LARP4: variants seen among roughly 807,000 people sequenced by gnomAD.
LARP4 encodes La ribonucleoprotein 4.
Under a neutral mutation model 92.9 loss-of-function variants are expected in LARP4, and 29 were observed. The ratio of observed to expected loss-of-function variants is 0.31; its 90% CI spans 0.23 to 0.43. LARP4 has a LOEUF of 0.43. LARP4 is among the 20% of genes least tolerant of loss of function. The pLI is 1.00. For synonymous variants in LARP4, 279 were observed against 284.1 expected (o/e 0.98, Z 0.18); for missense variants, 732 against 860.0 (o/e 0.85, Z 1.86).
intron 1 of LARP4, 83 bp downstream of exon 1, chr12:50,401,111 T>A: frequency 2.6e-6 from 4 of 1,518,092 alleles, no homozygotes; most frequent in Non-Finnish European, 3.7e-6. Context: ...CCATGTGACT[T>A]TCCGGGCCGT....
chr12:50,477,052 G>A lies in LARP4; in HGVS notation c.*1188G>A, dbSNP rs1478696227. 2 of 152,348 alleles carry A rather than the reference G, an allele frequency of 1.3e-5. No homozygotes were observed. The highest frequency in any genetic ancestry group is 2.1e-4 in the South Asian group (1 of 4,820). 9.4% of individuals were successfully genotyped at this position (152,348 alleles called of 1,614,324 possible). ...TTTAAAGGCTTAATTTGGGAGGGGG[G>A]ACTTATTTCTGTTTACAGTGTATTA... On this transcript the variant is annotated 3_prime_UTR_variant, in exon 16 of 16. Transcript: ENST00000398473.
chr12:50,460,432 G>A (rs191709674), intron 10 of LARP4, among the ~76,000 whole-genome samples: 72 of 152,228 alleles, frequency 4.7e-4, no homozygotes, highest in Non-Finnish European at 7.6e-4. Flanking sequence ...GGCCCAAGCA[G>A]TCTTCTGCCT....
chr12:50,459,839 AAAAAAAAG>A (rs1318573461), intron 10 of LARP4, among the ~76,000 whole-genome samples: 1 of 150,944 alleles, frequency 6.6e-6, no homozygotes, highest in Non-Finnish European at 1.5e-5. Flanking sequence ...AAAAAAAAAA[AAAAAAAAG>A]GGTGTTATAG....
rs564123441 is a variant in LARP4, at chr12:50,429,480, T to G, written c.322+390T>G. Among the ~76,000 whole-genome samples the G allele has an allele frequency of 2.0e-4, 30 of 152,012 alleles. 1 individual carries two copies. In the South Asian group the frequency reaches 6.0e-3, roughly 31 times the overall value. On this transcript the variant is annotated intron_variant, in intron 3 of 15. Coordinates refer to ENST00000398473, the MANE Select transcript of LARP4 (RefSeq NM_052879.5). ...AAAAAATTAGCTGGGCATGGTGGCA[T>G]GCACCTATAATCCCAAGATCATGCC...
At chr12:50,457,562 C>A (rs1386865518) in intron 10 of LARP4, among the ~76,000 whole-genome samples, 1 of 151,984 alleles carries the variant, frequency 6.6e-6, no homozygotes, top group Non-Finnish European at 1.5e-5. Flanking sequence ...GCCTATATTC[C>A]CCACACATTG....
chr12:50,473,354 C>A, intron 13 of LARP4, 61 bp from the exon 14 acceptor site: 2 of 1,245,250 alleles, frequency 1.6e-6, no homozygotes, highest in Non-Finnish European at 2.3e-6. Flanking sequence ...GCTTATTAGA[C>A]GTGTATATCT....
intron 13 of LARP4, among the ~76,000 whole-genome samples, chr12:50,472,622 C>T (rs564931435): frequency 2.0e-5 from 3 of 151,890 alleles, no homozygotes; most frequent in East Asian, 1.9e-4. Context: ...CCCAGACTCA[C>T]GTGATCCTCT....
Position 50,435,506 on chromosome 12 carries a change from T to C in LARP4, c.417T>C (p.Asp139=). The change falls in exon 5 of 16, where the codon GAT becomes GAC. Residue 139 remains aspartate (D), a synonymous_variant. Transcript: ENST00000398473. ...FCFSRENLSK[D]LYLISQMDSD... is the part of the protein sequence containing the mutation. ...TTTTCAGAGAAAATTTGTCAAAGGA[T>C]CTTTACTTGATATCTCAAATGGATA... 6.4e-7 allele frequency: 1 copy of C among 1,550,588 alleles called. No homozygotes were observed. Among genetic ancestry groups the C allele is most frequent in the Non-Finnish European group, 8.9e-7 (1 of 1,128,406 alleles).
intron 1 of LARP4, among the ~76,000 whole-genome samples, chr12:50,408,157 T>C (rs1189141138): frequency 1.3e-5 from 2 of 150,722 alleles, no homozygotes; most frequent in Admixed American, 6.7e-5. Flanking sequence ...TGGGTTTGTA[T>C]GTACTGAGAG....
intron 5 of LARP4, 92 bp from the exon 6 acceptor site, chr12:50,437,643 C>G (rs781541809): frequency 5.1e-5 from 35 of 680,594 alleles, no homozygotes; most frequent in Non-Finnish European, 7.6e-5. Context: ...CAAATTTACT[C>G]AGTTGGAAAT....
At chr12:50,446,551 C>T (rs561453529) in intron 8 of LARP4, among the ~76,000 whole-genome samples, 1 of 148,938 alleles carries the variant, frequency 6.7e-6, no homozygotes, top group African/African-American at 2.5e-5. Context: ...GCCTCAGCCT[C>T]CCGAGTAGCT....
intron 13 of LARP4, among the ~76,000 whole-genome samples, chr12:50,471,404 T>G (rs899764729): frequency 2.0e-4 from 31 of 152,366 alleles, no homozygotes; most frequent in Non-Finnish European, 3.4e-4. Flanking sequence ...TATTCTATTG[T>G]AGGAAGTAAA....
intron 4 of LARP4, among the ~76,000 whole-genome samples, chr12:50,430,920 G>C (rs1489148921): frequency 1.3e-5 from 2 of 152,058 alleles, no homozygotes; most frequent in African/African-American, 4.8e-5. Context: ...CCTCTGCCTT[G>C]CAAAGTGTCG....
chr12:50,454,423 A>G lies in LARP4; in HGVS notation c.1121+6A>G. 1 of 1,586,114 alleles carries G rather than the reference A, an allele frequency of 6.3e-7. No individual in the cohort carries two copies. Among genetic ancestry groups the G allele is most frequent in the East Asian group, 2.2e-5 (1 of 44,678 alleles). On this transcript the variant is annotated splice_donor_region_variant and intron_variant, in intron 10 of 15. Transcript: ENST00000398473. Reference sequence around the variant, plus strand: ...CGACCATTCCAAAAAAATCGGTAAGATAAAAACCATAGCTGTAATGTATTT... The same window carrying G: ...CGACCATTCCAAAAAAATCGGTAAGGTAAAAACCATAGCTGTAATGTATTT...
At chr12:50,463,418 TCCAAAAAAAAAAAAA>T (rs1282012546) in intron 12 of LARP4, among the ~76,000 whole-genome samples, 4 of 32,220 alleles carry the variant, frequency 1.2e-4, no homozygotes, top group African/African-American at 1.7e-4. Context: ...ACCCCATCTC[TCCAAAAAAAAAAAAA>T]AAAAAAAAAA....
chr12:50,470,302 G>A (rs1177304286), intron 13 of LARP4, among the ~76,000 whole-genome samples: 1 of 151,958 alleles, frequency 6.6e-6, no homozygotes, highest in Non-Finnish European at 1.5e-5. Context: ...CTTAAGGTCT[G>A]CTTCTATCCA....
In LARP4 at chr12:50,402,257, G is replaced by A. The variant is rs567345776; in HGVS notation, c.18+1229G>A. Among the ~76,000 whole-genome samples the A allele has an allele frequency of 2.6e-5, 4 of 152,008 alleles. No individual in the cohort carries two copies. The South Asian group carries it at 8.3e-4, about 31-fold the overall frequency. The stretch of plus-strand genomic sequence containing the variant: ...CGATAAGCTTGATATCTTTAAATTA[G>A]TTTTTTAAAAGACTGCTACATTAGA... On this transcript the variant is annotated intron_variant, in intron 1 of 15. Coordinates refer to ENST00000398473, the MANE Select transcript of LARP4 (RefSeq NM_052879.5).
chr12:50,426,725 GTGTGT>G (rs1694067114), intron 1 of LARP4, among the ~76,000 whole-genome samples: 1 of 115,438 alleles, frequency 8.7e-6, no homozygotes, highest in African/African-American at 4.8e-5. Context: ...GTGTGTGTGT[GTGTGT>G]GGTTTTTTTT....
chr12:50,460,669 G>A (rs1414170974), intron 10 of LARP4, among the ~76,000 whole-genome samples: 3 of 151,984 alleles, frequency 2.0e-5, no homozygotes, highest in Non-Finnish European at 2.9e-5. Flanking sequence ...GGCCTGGCAC[G>A]GTGGCTCACA....
Sources: gnomAD v4.1 joint callset for allele counts (sites outside exome capture counted in the v4.1 genomes callset) on GRCh38, gnomAD v4.1.1 for gene constraint, MANE v1.5 for transcripts, NCBI Gene and HGNC (gene_info 2026-07-23, HGNC 2026-07-21) for gene names.